The following SLIT2 variants were observed in gnomAD, a reference collection of about 807,000 sequenced individuals.
SLIT2 encodes the protein slit homolog 2 protein.
SLIT2 carries 41 observed loss-of-function variants against 185.7 expected under a neutral mutation model. That is an observed-to-expected ratio of 0.22 (90% CI 0.17 to 0.29). SLIT2 has a LOEUF of 0.29. Among genes scored for constraint, SLIT2 ranks in the 10% least tolerant of loss-of-function variants. The pLI is 1.00. For synonymous variants in SLIT2, 693 were observed against 680.2 expected (o/e 1.02, Z -0.29); for missense variants, 1,571 against 1,909.0 (o/e 0.82, Z 3.30).
At chr4:20,467,541 T>G (rs1222842699) in intron 4 of SLIT2, among the ~76,000 whole-genome samples, 1 of 151,948 alleles carries the variant, frequency 6.6e-6, no homozygotes, top group African/African-American at 2.4e-5. Flanking sequence ...AGAAGCATAC[T>G]TCAAGAAGCC....
At chr4:20,355,223 A>C (rs1259590701) in intron 4 of SLIT2, among the ~76,000 whole-genome samples, 5 of 152,164 alleles carry the variant, frequency 3.3e-5, no homozygotes, top group South Asian at 4.1e-4. Flanking sequence ...GGCTGAATGA[A>C]TATTAAATCA....
In SLIT2 at chr4:20,525,310, T is replaced by C. The variant is rs1721191545; in HGVS notation, c.1462+138T>C. 15 of 599,914 alleles carry C rather than the reference T, an allele frequency of 2.5e-5. No homozygotes were observed. In the South Asian group the frequency reaches 4.0e-4, roughly 16 times the overall value. 37.2% of individuals were successfully genotyped at this position (599,914 alleles called of 1,614,324 possible). ...ATAGATTGACTTATGCATATATCACTTGTAGCTGTTTCCTGAAATCCTGAC... is the reference window on the plus strand; with the variant it reads ...ATAGATTGACTTATGCATATATCACCTGTAGCTGTTTCCTGAAATCCTGAC... On this transcript the variant is annotated intron_variant, in intron 15 of 36. Transcript: ENST00000504154.
At chr4:20,505,321 A>G (rs1052578874) in intron 9 of SLIT2, among the ~76,000 whole-genome samples, 4 of 152,088 alleles carry the variant, frequency 2.6e-5, no homozygotes, top group African/African-American at 9.7e-5. Context: ...ATATAAGTGC[A>G]AAGCTCATAC....
intron 4 of SLIT2, among the ~76,000 whole-genome samples, chr4:20,273,681 C>G (rs962117952): frequency 2.6e-5 from 4 of 152,110 alleles, no homozygotes; most frequent in Admixed American, 6.6e-5. Flanking sequence ...GCAAAATATA[C>G]CTTAATTTAA....
chr4:20,524,086 G>A lies in SLIT2; in HGVS notation c.1347G>A (p.Pro449=), dbSNP rs1201860391. The A allele has an allele frequency of 5.6e-6, 9 of 1,614,050 alleles. No individual in the cohort carries two copies. Among genetic ancestry groups the A allele is most frequent in the South Asian group, 2.2e-5 (2 of 91,068 alleles). ...KWLADYLHTN[P]IETSGARCTS... The stretch of plus-strand genomic sequence containing the variant: ...TAGCGGATTATCTCCATACCAACCC[G>A]ATTGAGACCAGTGGTGCCCGTTGCA... Residue 449 remains proline, a synonymous_variant, in exon 14 of 37, where the codon CCG becomes CCA. Transcript: ENST00000504154.
At chr4:20,436,491 T>A (rs1015124391) in intron 4 of SLIT2, among the ~76,000 whole-genome samples, 17 of 152,192 alleles carry the variant, frequency 1.1e-4, no homozygotes, top group Admixed American at 1.0e-3. Context: ...TCTGTAAGCA[T>A]CAAAACTTAT....
In SLIT2 at chr4:20,564,789, T is replaced by A. The variant is rs542016673; in HGVS notation, c.2726-2473T>A. The stretch of plus-strand genomic sequence containing the variant: ...GAGAATGCTTGTTATCTTGATTTTT[T>A]TTTTTTAGCTAAACTGAACATATAT... On this transcript the variant is annotated intron_variant, in intron 26 of 36. Transcript: ENST00000504154. Among the ~76,000 whole-genome samples the A allele has an allele frequency of 2.6e-3, 400 of 151,912 alleles. 10 individuals carry two copies. In the South Asian group the frequency reaches 0.06, roughly 23 times the overall value.
chr4:20,327,546 G>A (rs1002061508), intron 4 of SLIT2, among the ~76,000 whole-genome samples: 3 of 151,842 alleles, frequency 2.0e-5, no homozygotes, highest in Admixed American at 6.6e-5. Context: ...TTAATAATTG[G>A]CAAGCATTAT....
At position 20,304,277 on chromosome 4, in the gene SLIT2, G is replaced by T. The variant is rs1281261981; in HGVS notation, c.395+35396G>T. ...ACTAGATAACTTTTTTAAAAGAAAAGAAAACGAAAGAAAGGAAGGAAAAAA... is the reference window on the plus strand; with the variant it reads ...ACTAGATAACTTTTTTAAAAGAAAATAAAACGAAAGAAAGGAAGGAAAAAA... On this transcript the variant is annotated intron_variant, in intron 4 of 36. Coordinates refer to ENST00000504154, the MANE Select transcript of SLIT2 (RefSeq NM_004787.4). 2.0e-5 allele frequency among the ~76,000 whole-genome samples: 3 copies of T among 151,878 alleles called. No homozygotes were observed. In the East Asian group the frequency reaches 5.8e-4, roughly 29 times the overall value.
At position 20,254,031 on chromosome 4, in the gene SLIT2, C is replaced by G; in HGVS notation, c.179+37C>G. ...CTCTTCGTCTTCCCCTCTCCCCATC[C>G]GGGCCGCGCACCCCTGCCTCCACTG... is the stretch of plus-strand genomic sequence containing the variant. On this transcript the variant is annotated intron_variant, in intron 1 of 36. Coordinates refer to ENST00000504154, the MANE Select transcript of SLIT2 (RefSeq NM_004787.4). The surrounding 1 kb of genome is among the most constrained non-coding windows in gnomAD (Gnocchi z 5.1). 2 of 1,579,660 alleles carry G rather than the reference C, an allele frequency of 1.3e-6. No individual in the cohort carries two copies. The highest frequency in any genetic ancestry group is 1.1e-5 in the South Asian group (1 of 89,226).
chr4:20,548,651 C>T (rs900649891), intron 23 of SLIT2, 92 bp downstream of exon 23: 1 of 762,698 alleles, frequency 1.3e-6, no homozygotes, highest in African/African-American at 1.7e-5. Flanking sequence ...ACAAGACAGT[C>T]TCTACCCTCA....
Position 20,384,588 on chromosome 4 carries a change from A to G in SLIT2, c.396-83164A>G, listed in dbSNP as rs144176242. Among the ~76,000 whole-genome samples, 141 of 152,272 alleles carry G rather than the reference A, an allele frequency of 9.3e-4. 1 individual carries two copies. Among genetic ancestry groups the G allele is most frequent in the African/African-American group, 3.2e-3 (131 of 41,562 alleles). ...TACTGACAGTTGTGTCACTAAGAAT[A>G]TTTCTCACTAATTGGTTCAGAGTTG... is the stretch of plus-strand genomic sequence containing the variant. On this transcript the variant is annotated intron_variant, in intron 4 of 36. Coordinates refer to ENST00000504154, the MANE Select transcript of SLIT2 (RefSeq NM_004787.4).
At chr4:20,434,265 A>G (rs1468596113) in intron 4 of SLIT2, among the ~76,000 whole-genome samples, 1 of 152,076 alleles carries the variant, frequency 6.6e-6, no homozygotes, top group Admixed American at 6.5e-5. Context: ...AGGCCAGCAG[A>G]TCACGTGAGG....
chr4:20,405,635 A>T (rs1007635177), intron 4 of SLIT2, among the ~76,000 whole-genome samples: 2 of 151,914 alleles, frequency 1.3e-5, no homozygotes, highest in Non-Finnish European at 2.9e-5. Flanking sequence ...ACCCAAATGG[A>T]AGGTGGTATT....
Position 20,528,964 on chromosome 4 carries a change from G to A in SLIT2, c.1478G>A (p.Arg493Gln), listed in dbSNP as rs201524539. The A allele has an allele frequency of 8.1e-6, 13 of 1,613,378 alleles. No individual in the cohort carries two copies. The East Asian group carries it at 1.3e-4, about 17-fold the overall frequency. Residue 493 changes from arginine to glutamine, a missense_variant, in exon 16 of 37, where the codon CGA (arginine) becomes CAA (glutamine). By Grantham distance (43) the Arg-to-Gln change is conservative. Transcript: ENST00000504154. The surrounding 1 kb of genome is among the most constrained non-coding windows in gnomAD (Gnocchi z 4.2). ...QYFIPGTEDY[R>Q]SKLSGDCFAD... ...TTCTCAATAGGTACAGAAGATTATC[G>A]ATCAAAATTAAGTGGAGACTGCTTT...
At chr4:20,499,688 C>T (rs958685793) in intron 9 of SLIT2, among the ~76,000 whole-genome samples, 1 of 152,058 alleles carries the variant, frequency 6.6e-6, no homozygotes, top group African/African-American at 2.4e-5. Flanking sequence ...TGGGGTTTCA[C>T]TGTGTTAGCC....
intron 6 of SLIT2, among the ~76,000 whole-genome samples, chr4:20,482,477 A>G (rs1459322184): frequency 6.6e-6 from 1 of 152,020 alleles, no homozygotes; most frequent in East Asian, 1.9e-4. Flanking sequence ...ATTATTTTCT[A>G]TAAACTAATA....
chr4:20,273,822 G>T (rs1359414759), intron 4 of SLIT2, among the ~76,000 whole-genome samples: 1 of 152,166 alleles, frequency 6.6e-6, no homozygotes, highest in African/African-American at 2.4e-5. Flanking sequence ...ATTAATTTCT[G>T]CCAGCTCTGA....
intron 25 of SLIT2, among the ~76,000 whole-genome samples, chr4:20,553,154 T>A (rs1288872189): frequency 2.6e-5 from 4 of 152,176 alleles, no homozygotes; most frequent in Non-Finnish European, 5.9e-5. Context: ...TATTTTATGT[T>A]CTTTCTTTGT....
Sources: gnomAD v4.1 joint callset for allele counts (sites outside exome capture counted in the v4.1 genomes callset) on GRCh38, gnomAD v4.1.1 for gene constraint, Gnocchi (gnomAD v3.1) non-coding constraint, MANE v1.5 for transcripts, NCBI Gene and HGNC (gene_info 2026-07-23, HGNC 2026-07-21) for gene names.